GMEB2: variants seen among roughly 807,000 people sequenced by gnomAD.
The protein encoded by GMEB2 is glucocorticoid modulatory element binding protein 2.
Under a neutral mutation model 45.7 loss-of-function variants are expected in GMEB2, and 7 were observed. The observed-to-expected ratio is 0.15, with a 90% CI of 0.09 to 0.29. The LOEUF is 0.29. GMEB2 is among the 10% of genes least tolerant of loss of function. GMEB2 has a pLI of 1.00. For missense variants in GMEB2, 582 were observed against 739.2 expected, an observed-to-expected ratio of 0.79 and a Z score of 2.47; for synonymous variants, 322 against 323.6, an observed-to-expected ratio of 1.00 and a Z score of 0.05.
intron 2 of GMEB2, among the ~76,000 whole-genome samples, chr20:63,613,589 G>A (rs1369840322): frequency 2.7e-5 from 4 of 147,938 alleles, no homozygotes; most frequent in East Asian, 2.0e-4. Flanking sequence ...GCACAATCTC[G>A]GCTCACTGTA....
At chr20:63,623,209 T>C (rs1224452137) in intron 1 of GMEB2, among the ~76,000 whole-genome samples, 2 of 152,140 alleles carry the variant, frequency 1.3e-5, no homozygotes, top group Non-Finnish European at 2.9e-5. Flanking sequence ...TCCTGGAACA[T>C]GATGAGCCGT....
At chr20:63,604,949 G>A (rs771152640) in intron 2 of GMEB2, 109 bp from the exon 3 acceptor site, 1 of 726,992 alleles carries the variant, frequency 1.4e-6, no homozygotes, top group Non-Finnish European at 2.5e-6. Context: ...TCTTCTAACT[G>A]AATTCAGAAA....
At chr20:63,601,759 G>C (rs1368474134) in intron 4 of GMEB2, among the ~76,000 whole-genome samples, 1 of 152,264 alleles carries the variant, frequency 6.6e-6, no homozygotes, top group African/African-American at 2.4e-5. Flanking sequence ...CTGCTGCAGG[G>C]CCGACTCTGC....
intron 3 of GMEB2, among the ~76,000 whole-genome samples, chr20:63,603,822 G>T (rs947752401): frequency 1.3e-5 from 2 of 152,130 alleles, no homozygotes; most frequent in African/African-American, 2.4e-5. Context: ...GGAGGCCCAG[G>T]TGGGTGGATC....
At chr20:63,610,098 G>A (rs186876378) in intron 2 of GMEB2, among the ~76,000 whole-genome samples, 33 of 152,360 alleles carry the variant, frequency 2.2e-4, no homozygotes, top group Non-Finnish European at 3.8e-4. Flanking sequence ...GAACCCGTGC[G>A]GGCAGCTGCC....
At chr20:63,600,536 G>C (rs973633232) in intron 4 of GMEB2, among the ~76,000 whole-genome samples, 3 of 151,354 alleles carry the variant, frequency 2.0e-5, no homozygotes, top group Admixed American at 2.0e-4. Flanking sequence ...TGGCCAACAT[G>C]GCAAAACCCC....
intron 2 of GMEB2, among the ~76,000 whole-genome samples, chr20:63,608,665 ACCTC>A (rs2089539708): frequency 1.9e-5 from 1 of 53,498 alleles, no homozygotes; most frequent in African/African-American, 6.2e-5. Context: ...CTGTGACCCC[ACCTC>A]CATTTCTAGA....
At chr20:63,615,300 G>C (rs1393363590) in intron 2 of GMEB2, among the ~76,000 whole-genome samples, 1 of 152,138 alleles carries the variant, frequency 6.6e-6, no homozygotes, top group Non-Finnish European at 1.5e-5. Flanking sequence ...AACAGTAAAA[G>C]CCACTTTGCG....
chr20:63,598,371 C>CACACACACAG (rs1555893268), intron 4 of GMEB2, among the ~76,000 whole-genome samples: 4 of 151,752 alleles, frequency 2.6e-5, no homozygotes, highest in Non-Finnish European at 5.9e-5. Flanking sequence ...CACACACACA[C>CACACACACAG]ACTCATCTGT....
intron 4 of GMEB2, among the ~76,000 whole-genome samples, 192 bp downstream of exon 4, chr20:63,602,773 T>C (rs200125247): frequency 1.3e-5 from 2 of 151,940 alleles, no homozygotes; most frequent in Non-Finnish European, 2.9e-5. Flanking sequence ...CGGGAGGGCC[T>C]CCCAGCCTCC....
intron 9 of GMEB2, among the ~76,000 whole-genome samples, chr20:63,590,963 G>A (rs961904244): frequency 1.3e-5 from 2 of 152,144 alleles, no homozygotes; most frequent in Non-Finnish European, 2.9e-5. Context: ...CTGACCCAGG[G>A]TCTGCACTGA....
Position 63,626,055 on chromosome 20 carries a change from T to C in GMEB2, c.-58+901A>G, listed in dbSNP as rs150455450. Among the ~76,000 whole-genome samples the C allele has an allele frequency of 6.8e-3, 1,028 of 152,260 alleles. 11 individuals carry two copies. The highest frequency in any genetic ancestry group is 0.023 in the African/African-American group (960 of 41,538). ...ACGCATGAATTACACAGTAACCAAA[T>C]AGATAACATGCCATGACTGACGACG... On this transcript the variant is annotated intron_variant, in intron 1 of 9. Coordinates refer to ENST00000370077, the MANE Select transcript of GMEB2 (RefSeq NM_012384.5).
chr20:63,602,756 C>T (rs2083250668), intron 4 of GMEB2, among the ~76,000 whole-genome samples: 3 of 148,338 alleles, frequency 2.0e-5, no homozygotes, highest in African/African-American at 7.3e-5. Context: ...CAGCCTCCTC[C>T]ACACAGCGGG....
chr20:63,620,151 G>A (rs1485357670), intron 1 of GMEB2, among the ~76,000 whole-genome samples: 2 of 152,136 alleles, frequency 1.3e-5, no homozygotes, highest in African/African-American at 2.4e-5. Flanking sequence ...CACTCACCTC[G>A]GCCTCCCAAA....
At chr20:63,598,866 C>T (rs776465013) in intron 4 of GMEB2, among the ~76,000 whole-genome samples, 2 of 152,184 alleles carry the variant, frequency 1.3e-5, no homozygotes, top group Non-Finnish European at 2.9e-5. Context: ...TTCTACCCAA[C>T]GTGGCTCACA....
rs1601000725 is a variant in GMEB2 at position 63,590,275 on chromosome 20, G to C, written c.1407C>G (p.Phe469Leu). 6.2e-7 allele frequency: 1 copy of C among 1,612,704 alleles called. No homozygotes were observed. The highest frequency in any genetic ancestry group is 8.5e-7 in the Non-Finnish European group (1 of 1,179,852). The change falls in exon 10 of 10, where the codon TTC becomes TTG. Residue 469 changes from phenylalanine (F) to leucine (L), a missense_variant. This residue lies in a region of GMEB2 where 462 missense variants were observed against 586.7 expected (regional missense o/e 0.79). Coordinates refer to ENST00000370077, the MANE Select transcript of GMEB2 (RefSeq NM_012384.5). ...TAAVQDGSTV[F>L]KVVSPLQLLT... ...GCAGCTGTAGCGGGCTGACCACCTT[G>C]AACACCGTGCTACCGTCCTGCACGG...
At chr20:63,609,341 C>A (rs55661910) in intron 2 of GMEB2, among the ~76,000 whole-genome samples, 2,056 of 112,660 alleles carry the variant, frequency 0.018, 42 homozygotes, top group Non-Finnish European at 0.031. Flanking sequence ...ACATGCCACT[C>A]TGACCCCACA....
intron 5 of GMEB2, 99 bp from the exon 6 acceptor site, chr20:63,595,866 G>A: frequency 9.3e-7 from 1 of 1,078,718 alleles, no homozygotes; most frequent in South Asian, 1.4e-5. Context: ...CGTGGGGCAG[G>A]CCTAGCAGAG....
At chr20:63,618,952 C>T (rs1291904929) in intron 2 of GMEB2, among the ~76,000 whole-genome samples, 2 of 152,218 alleles carry the variant, frequency 1.3e-5, no homozygotes. Flanking sequence ...CTCTTCACTT[C>T]ATTTATGAAA....
Sources: allele counts gnomAD v4.1 joint callset (sites outside exome capture counted in the v4.1 genomes callset), GRCh38; gene constraint gnomAD v4.1.1; regional missense constraint gnomAD v4.1.1; transcripts MANE v1.5; gene names NCBI Gene and HGNC (gene_info 2026-07-23, HGNC 2026-07-21).